The following GTSE1 variants were observed in gnomAD, a reference collection of about 807,000 sequenced individuals.
GTSE1 encodes the protein G2 and S-phase expressed 1, also known as G2 and S phase-expressed protein 1.
In GTSE1, 52 loss-of-function variants were observed where a neutral mutation model predicts 60.5. The observed-to-expected ratio is 0.86, with a 90% CI of 0.69 to 1.08. The LOEUF (loss-of-function observed/expected upper bound fraction) is 1.08. Among genes scored for constraint, GTSE1 ranks in the 50% least tolerant of loss-of-function variants. The probability of loss-of-function intolerance (pLI) is 0.00; values close to 1 mark genes in which losing one functional copy is unlikely to be tolerated. For missense variants in GTSE1, 937 were observed against 961.8 expected (o/e 0.97, Z 0.34); for synonymous variants, 368 against 386.5 (o/e 0.95, Z 0.56).
At chr22:46,298,233 G>A (rs749299819) in intron 2 of GTSE1, among the ~76,000 whole-genome samples, 2 of 151,824 alleles carry the variant, frequency 1.3e-5, no homozygotes, top group Non-Finnish European at 2.9e-5. Flanking sequence ...AAAGTGCTAG[G>A]ATTATAGGTG....
In GTSE1 at chr22:46,312,221, C is replaced by T; in HGVS notation, c.843C>T (p.Asp281=). ...EKESHRDVLP[D]KPAPGAVNVP... ...AATCCCACCGGGATGTTCTCCCTGA[C>T]AAACCTGCCCCGGGTGCTGTCAATG... The change falls in exon 5 of 12, where the codon GAC becomes GAT. Residue 281 remains aspartate, a synonymous_variant. Coordinates refer to ENST00000454366, the MANE Select transcript of GTSE1 (RefSeq NM_016426.7). The T allele has an allele frequency of 6.2e-7, 1 of 1,614,166 alleles. No individual in the cohort carries two copies. Among genetic ancestry groups the T allele is most frequent in the Non-Finnish European group, 8.5e-7 (1 of 1,180,010 alleles).
At position 46,321,973 on chromosome 22, in the gene GTSE1, C is replaced by G. The variant is rs945538765; in HGVS notation, c.1433-1217C>G. On this transcript the variant is annotated intron_variant, in intron 7 of 11. Transcript: ENST00000454366. The surrounding 1 kb of genome is among the most constrained non-coding windows in gnomAD (Gnocchi z 4.0). Reference sequence around the variant, plus strand: ...CCTATAATTCCAGCTACTCAGGAGGCTGAGGCAAAAGAATCACTTGAACCC... The same window carrying G: ...CCTATAATTCCAGCTACTCAGGAGGGTGAGGCAAAAGAATCACTTGAACCC... Among the ~76,000 whole-genome samples, 5 of 149,040 alleles carry G rather than the reference C, an allele frequency of 3.4e-5. No individual in the cohort carries two copies. The highest frequency in any genetic ancestry group is 1.2e-4 in the African/African-American group (5 of 40,052).
chr22:46,329,065 G>A lies in GTSE1; in HGVS notation c.1926+176G>A. The A allele has an allele frequency of 1.6e-6, 1 of 623,818 alleles. No individual in the cohort carries two copies. The highest frequency in any genetic ancestry group is 1.9e-5 in the South Asian group (1 of 53,184). 38.6% of individuals were successfully genotyped at this position (623,818 alleles called of 1,614,324 possible). A position where few individuals can be genotyped will look rare whatever the true frequency, so the allele number is the denominator to read the frequency against. Reference sequence around the variant, plus strand: ...GCAGTCAGGACTTCCAGGCCTCCAGGGGAGAAAGCCCTGCATTTGACTAAG... The same window carrying A: ...GCAGTCAGGACTTCCAGGCCTCCAGAGGAGAAAGCCCTGCATTTGACTAAG... On this transcript the variant is annotated intron_variant, in intron 10 of 11. Coordinates refer to ENST00000454366, the MANE Select transcript of GTSE1 (RefSeq NM_016426.7). The surrounding 1 kb of genome is among the most constrained non-coding windows in gnomAD (Gnocchi z 6.4).
chr22:46,312,248 G>T lies in GTSE1; in HGVS notation c.870G>T (p.Val290=). 1 of 1,614,096 alleles carries T rather than the reference G, an allele frequency of 6.2e-7. No individual in the cohort carries two copies. Among genetic ancestry groups the T allele is most frequent in the Non-Finnish European group, 8.5e-7 (1 of 1,179,998 alleles). ...PDKPAPGAVN[V]PAAGSHLGQG... ...AACCTGCCCCGGGTGCTGTCAATGT[G>T]CCGGCCGCCGGAAGCCACTTGGGCC... The change falls in exon 5 of 12, where the codon GTG becomes GTT. Residue 290 remains valine, a synonymous_variant. Coordinates refer to ENST00000454366, the MANE Select transcript of GTSE1 (RefSeq NM_016426.7).
rs114353438 is a variant in GTSE1, at chr22:46,297,581, T to G, written c.79+102T>G. On this transcript the variant is annotated intron_variant, in intron 2 of 11. Transcript: ENST00000454366. The surrounding 1 kb of genome is among the most constrained non-coding windows in gnomAD (Gnocchi z 4.9). ...AGAAATTCTTTCTCAAGTGCTCGAC[T>G]TGTACTCTGCACCTGTGAAACACAT... 8.3e-3 allele frequency: 6,721 copies of G among 810,250 alleles called. 285 individuals carry two copies. The African/African-American group carries it at 0.096, about 12-fold the overall frequency. 50.2% of individuals were successfully genotyped at this position (810,250 alleles called of 1,614,324 possible). A position where few individuals can be genotyped will look rare whatever the true frequency, so the allele number is the denominator to read the frequency against.
chr22:46,318,406 A>G lies in GTSE1; in HGVS notation c.1432+1994A>G, dbSNP rs2077793031. On this transcript the variant is annotated intron_variant, in intron 7 of 11. Coordinates refer to ENST00000454366, the MANE Select transcript of GTSE1 (RefSeq NM_016426.7). This position sits in a 1 kb window ranked among gnomAD's most constrained non-coding sequence, Gnocchi z 4.8. Reference sequence around the variant, plus strand: ...TCTCTGTGCTGGAATGCTTTGGGGGACAAGGGACATCATGATAAGACAGAC... The same window carrying G: ...TCTCTGTGCTGGAATGCTTTGGGGGGCAAGGGACATCATGATAAGACAGAC... 6.6e-6 allele frequency among the ~76,000 whole-genome samples: 1 copy of G among 152,102 alleles called. No homozygotes were observed. The highest frequency in any genetic ancestry group is 2.1e-4 in the South Asian group (1 of 4,826).
rs377290768 is a variant in GTSE1, at chr22:46,329,489, C to T, written c.2058C>T (p.Ser686=). Residue 686 remains serine (S), a synonymous_variant, in exon 11 of 12, where the codon AGC becomes AGT. Coordinates refer to ENST00000454366, the MANE Select transcript of GTSE1 (RefSeq NM_016426.7). This position sits in a 1 kb window ranked among gnomAD's most constrained non-coding sequence, Gnocchi z 6.4. ...CACACGTGGCTGTAGGATCTGAAAGCAGGCCTCTGATCGACCTCATGACAA... is the reference window on the plus strand; with the variant it reads ...CACACGTGGCTGTAGGATCTGAAAGTAGGCCTCTGATCGACCTCATGACAA... ...PEAHVAVGSE[S]RPLIDLMTNT... The T allele has an allele frequency of 1.2e-6, 2 of 1,614,096 alleles. No individual in the cohort carries two copies. Among genetic ancestry groups the T allele is most frequent in the African/African-American group, 2.7e-5 (2 of 74,944 alleles).
chr22:46,323,167 C>G (rs1379477582), intron 7 of GTSE1, 23 bp from the exon 8 acceptor site: 3 of 1,572,642 alleles, frequency 1.9e-6, no homozygotes, highest in Non-Finnish European at 2.6e-6. Context: ...TACCTGACCG[C>G]ACACTTCCTT....
intron 2 of GTSE1, among the ~76,000 whole-genome samples, chr22:46,305,235 G>A (rs1031121388): frequency 2.0e-5 from 3 of 152,176 alleles, no homozygotes; most frequent in African/African-American, 7.2e-5. Flanking sequence ...AATTTCACCA[G>A]TTATTTTATG....
In GTSE1 at chr22:46,297,302, T is replaced by C; in HGVS notation, c.-21-78T>C. 1.1e-6 allele frequency: 1 copy of C among 875,488 alleles called. No individual in the cohort carries two copies. Among genetic ancestry groups the C allele is most frequent in the Non-Finnish European group, 1.9e-6 (1 of 520,158 alleles). 54.2% of individuals were successfully genotyped at this position (875,488 alleles called of 1,614,324 possible). A position where few individuals can be genotyped will look rare whatever the true frequency, so the allele number is the denominator to read the frequency against. On this transcript the variant is annotated intron_variant, in intron 1 of 11. Transcript: ENST00000454366. This position sits in a 1 kb window ranked among gnomAD's most constrained non-coding sequence, Gnocchi z 4.9. ...CGCGGCCTTCAGCTCTCTCTGCCTC[T>C]GTGAGCCGAGGGCTGAAGGAAGCCG...
intron 9 of GTSE1, chr22:46,326,886 A>C (rs1326528835): frequency 2.3e-6 from 1 of 440,802 alleles, no homozygotes; most frequent in African/African-American, 2.1e-5. Flanking sequence ...AATCAATTTG[A>C]AAACCTAATG....
chr22:46,326,412 C>T (rs1485057395), intron 8 of GTSE1, 24 bp from the exon 9 acceptor site: 13 of 1,553,094 alleles, frequency 8.4e-6, no homozygotes, highest in South Asian at 4.6e-5. Flanking sequence ...TCTCAGCTCA[C>T]GACACTGATG....
At chr22:46,326,811 A>G in intron 9 of GTSE1, 157 bp downstream of exon 9, 1 of 574,936 alleles carries the variant, frequency 1.7e-6, no homozygotes, top group Non-Finnish European at 3.0e-6. Context: ...GAGAAAATGC[A>G]ATAGACATGA....
At position 46,321,557 on chromosome 22, in the gene GTSE1, G is replaced by T. The variant is rs1349355907; in HGVS notation, c.1433-1633G>T. On this transcript the variant is annotated intron_variant, in intron 7 of 11. Coordinates refer to ENST00000454366, the MANE Select transcript of GTSE1 (RefSeq NM_016426.7). This position sits in a 1 kb window ranked among gnomAD's most constrained non-coding sequence, Gnocchi z 4.0. ...GCACAGGTGGGGGCGGTGGGGAGGT[G>T]TGAGGGGCAGATTCTTAACTCTTGT... Among the ~76,000 whole-genome samples, 2 of 152,186 alleles carry T rather than the reference G, an allele frequency of 1.3e-5. No individual in the cohort carries two copies. The highest frequency in any genetic ancestry group is 2.4e-5 in the African/African-American group (1 of 41,444).
chr22:46,317,352 TC>T lies in GTSE1; in HGVS notation c.1432+942del, dbSNP rs1177840192. Among the ~76,000 whole-genome samples the T allele has an allele frequency of 6.6e-6, 1 of 152,214 alleles. No homozygotes were observed. Among genetic ancestry groups the T allele is most frequent in the Non-Finnish European group, 1.5e-5 (1 of 68,038 alleles). ...CAGTGCCTAACAGCTGTGAAGCCCA[TC>T]CAGTTAACTTTGTTTCTAACATAAT... On this transcript the variant is annotated intron_variant, in intron 7 of 11. Transcript: ENST00000454366. This position sits in a 1 kb window ranked among gnomAD's most constrained non-coding sequence, Gnocchi z 5.6.
Position 46,322,404 on chromosome 22 carries a change from C to T in GTSE1, c.1433-786C>T, listed in dbSNP as rs138445791. Among the ~76,000 whole-genome samples the T allele has an allele frequency of 3.9e-4, 59 of 152,326 alleles. 1 individual carries two copies. The East Asian group carries it at 0.011, about 28-fold the overall frequency. On this transcript the variant is annotated intron_variant, in intron 7 of 11. Transcript: ENST00000454366. The stretch of plus-strand genomic sequence containing the variant: ...TGAGGGACAGCCTCTTTTCCCATGG[C>T]TTCCCAGACATAGCAAGGTGTTCCA...
At chr22:46,326,820 G>T in intron 9 of GTSE1, 166 bp downstream of exon 9, 1 of 549,390 alleles carries the variant, frequency 1.8e-6, no homozygotes, top group South Asian at 2.7e-5. Flanking sequence ...CAATAGACAT[G>T]AGCATAGAGG....
Position 46,308,438 on chromosome 22 carries a change from G to T in GTSE1, c.257G>T (p.Ser86Ile), listed in dbSNP as rs1318544536. ...CAGCCTCCGTTGCCCACATCTGAGA[G>T]TCCCTTTGCCTGGAGCCCTCTGGCC... is the stretch of plus-strand genomic sequence containing the variant. ...PEQPPLPTSE[S>I]PFAWSPLAGE... The change falls in exon 4 of 12, where the codon AGT becomes ATT. Residue 86 changes from serine (S) to isoleucine (I), a missense_variant. Transcript: ENST00000454366. The T allele has an allele frequency of 2.5e-6, 4 of 1,614,078 alleles. No individual in the cohort carries two copies. Among genetic ancestry groups the T allele is most frequent in the Non-Finnish European group, 3.4e-6 (4 of 1,180,052 alleles).
At chr22:46,328,135 C>T (rs1001453741) in intron 9 of GTSE1, among the ~76,000 whole-genome samples, 26 of 152,270 alleles carry the variant, frequency 1.7e-4, no homozygotes, top group Non-Finnish European at 3.1e-4. Flanking sequence ...GGCAGGTACT[C>T]GAGGACCTGT....
Sources: allele counts gnomAD v4.1 joint callset (sites outside exome capture counted in the v4.1 genomes callset), GRCh38; gene constraint gnomAD v4.1.1; non-coding constraint Gnocchi (gnomAD v3.1); transcripts MANE v1.5; gene names NCBI Gene and HGNC (gene_info 2026-07-23, HGNC 2026-07-21).